The following MAN1A2 variants were observed in gnomAD, a reference collection of about 807,000 sequenced individuals.
MAN1A2 encodes the protein mannosyl-oligosaccharide 1,2-alpha-mannosidase IB.
In MAN1A2, 26 loss-of-function variants were observed where a neutral mutation model predicts 75.7. The observed-to-expected ratio is 0.34, with a 90% CI of 0.25 to 0.48. The LOEUF (loss-of-function observed/expected upper bound fraction) is 0.48. Ranked by LOEUF, MAN1A2 falls within the 20% of genes least tolerant of loss-of-function variation. The pLI is 0.99. For synonymous variants in MAN1A2, 247 were observed against 264.6 expected (o/e 0.93, Z 0.65); for missense variants, 562 against 775.5 (o/e 0.72, Z 3.27).
intron 1 of MAN1A2, among the ~76,000 whole-genome samples, chr1:117,379,743 T>C (rs376563235): frequency 2.0e-5 from 3 of 152,296 alleles, no homozygotes; most frequent in Non-Finnish European, 4.4e-5. Flanking sequence ...TAAGACCTTT[T>C]TTGTCTGGGT....
intron 3 of MAN1A2, among the ~76,000 whole-genome samples, chr1:117,408,492 T>C (rs1647691929): frequency 6.6e-6 from 1 of 152,124 alleles, no homozygotes; most frequent in Non-Finnish European, 1.5e-5. Context: ...TGTGTGTATT[T>C]ATATGTAAAT....
intron 1 of MAN1A2, among the ~76,000 whole-genome samples, chr1:117,389,339 A>T (rs903906248): frequency 1.3e-5 from 2 of 152,180 alleles, no homozygotes; most frequent in African/African-American, 2.4e-5. Flanking sequence ...TGATGGCTTC[A>T]GGGTGAAACT....
intron 1 of MAN1A2, among the ~76,000 whole-genome samples, chr1:117,377,085 T>A (rs1167243312): frequency 6.6e-6 from 1 of 152,192 alleles, no homozygotes; most frequent in African/African-American, 2.4e-5. Flanking sequence ...TGAACATATT[T>A]ACATATGGCT....
In MAN1A2 at chr1:117,429,623, C is replaced by T. The variant is rs867663539; in HGVS notation, c.855+8974C>T. On this transcript the variant is annotated intron_variant, in intron 5 of 12. Coordinates refer to ENST00000356554, the MANE Select transcript of MAN1A2 (RefSeq NM_006699.5). Reference sequence around the variant, plus strand: ...CTCCCGGATGGGGCGGCTGGCCGGGCAGAGGGGCTCCTCACTTCCCAGTAG... The same window carrying T: ...CTCCCGGATGGGGCGGCTGGCCGGGTAGAGGGGCTCCTCACTTCCCAGTAG... Among the ~76,000 whole-genome samples the T allele has an allele frequency of 3.2e-3, 352 of 109,554 alleles. 1 individual carries two copies. Among genetic ancestry groups the T allele is most frequent in the African/African-American group, 0.012 (328 of 27,152 alleles). 71.9% of individuals were successfully genotyped at this position (109,554 alleles called of 152,430 possible).
chr1:117,395,786 A>C (rs549586288), intron 1 of MAN1A2, among the ~76,000 whole-genome samples: 1 of 152,218 alleles, frequency 6.6e-6, no homozygotes, highest in African/African-American at 2.4e-5. Flanking sequence ...ACAGTTCTTC[A>C]CATGACCACT....
chr1:117,435,832 C>A (rs1383808809), intron 5 of MAN1A2, among the ~76,000 whole-genome samples: 2 of 152,202 alleles, frequency 1.3e-5, no homozygotes, highest in South Asian at 4.2e-4. Flanking sequence ...CCGAGGCGGG[C>A]GGATCACCTG....
chr1:117,390,113 A>G (rs1397678088), intron 1 of MAN1A2, among the ~76,000 whole-genome samples: 1 of 152,134 alleles, frequency 6.6e-6, no homozygotes, highest in Non-Finnish European at 1.5e-5. Flanking sequence ...TTTATTTATT[A>G]TATTTGTCTG....
intron 7 of MAN1A2, among the ~76,000 whole-genome samples, chr1:117,462,744 A>T (rs1475781206): frequency 6.6e-6 from 1 of 152,138 alleles, no homozygotes; most frequent in Non-Finnish European, 1.5e-5. Context: ...AGCTGGTGTT[A>T]TGTGCCGCAG....
intron 8 of MAN1A2, among the ~76,000 whole-genome samples, chr1:117,487,602 G>A (rs1650752919): frequency 6.6e-6 from 1 of 152,048 alleles, no homozygotes; most frequent in South Asian, 2.1e-4. Context: ...CACTGAATGA[G>A]TCAAGACATT....
chr1:117,413,086 T>G (rs1204765211), intron 3 of MAN1A2, among the ~76,000 whole-genome samples: 1 of 151,798 alleles, frequency 6.6e-6, no homozygotes, highest in Non-Finnish European at 1.5e-5. Context: ...ATGCAAGAGA[T>G]AGAGATATAT....
chr1:117,447,146 T>G (rs1649260093), intron 6 of MAN1A2, among the ~76,000 whole-genome samples: 1 of 152,148 alleles, frequency 6.6e-6, no homozygotes, highest in African/African-American at 2.4e-5. Context: ...TGTATTGTTT[T>G]AACTATAGTT....
intron 6 of MAN1A2, among the ~76,000 whole-genome samples, chr1:117,446,752 G>A (rs1373994820): frequency 1.3e-5 from 2 of 151,544 alleles, no homozygotes; most frequent in Non-Finnish European, 2.9e-5. Context: ...GCAGTTGTTG[G>A]GTATAACATT....
chr1:117,435,713 T>C (rs567885447), intron 5 of MAN1A2, among the ~76,000 whole-genome samples: 1 of 152,350 alleles, frequency 6.6e-6, no homozygotes, highest in East Asian at 1.9e-4. Flanking sequence ...TTAAACTTTT[T>C]TATTTTTTCT....
intron 3 of MAN1A2, among the ~76,000 whole-genome samples, chr1:117,405,932 C>T (rs1040207422): frequency 6.6e-6 from 1 of 151,938 alleles, no homozygotes; most frequent in African/African-American, 2.4e-5. Context: ...GAAAAGTAGG[C>T]ACCTACTTGT....
rs750088988 is a variant in MAN1A2 at position 117,512,111 on chromosome 1, G to C, written c.1793+9141G>C. On this transcript the variant is annotated intron_variant, in intron 12 of 12. Coordinates refer to ENST00000356554, the MANE Select transcript of MAN1A2 (RefSeq NM_006699.5). ...ATTTCCTGGTTGGGGCTTAGAGCTT[G>C]ATCTCAGAATTCACTTAGTTTTAGG... Among the ~76,000 whole-genome samples the C allele has an allele frequency of 1.2e-4, 19 of 152,104 alleles. 1 individual carries two copies. The highest frequency in any genetic ancestry group is 2.1e-4 in the Non-Finnish European group (14 of 68,006).
At chr1:117,415,095 C>T (rs1647946376) in intron 4 of MAN1A2, among the ~76,000 whole-genome samples, 1 of 151,974 alleles carries the variant, frequency 6.6e-6, no homozygotes, top group African/African-American at 2.4e-5. Flanking sequence ...GGCCTACACT[C>T]ATTCTTCTGG....
chr1:117,438,976 T>C (rs1461374454), intron 5 of MAN1A2, among the ~76,000 whole-genome samples: 1 of 152,204 alleles, frequency 6.6e-6, no homozygotes, highest in Non-Finnish European at 1.5e-5. Flanking sequence ...GAGTTTAAAT[T>C]TCAAATAGGA....
intron 3 of MAN1A2, among the ~76,000 whole-genome samples, chr1:117,412,693 C>A (rs1647863483): frequency 6.6e-6 from 1 of 151,814 alleles, no homozygotes; most frequent in African/African-American, 2.4e-5. Context: ...TTTGCTGCTT[C>A]TTTGACCCAA....
intron 1 of MAN1A2, among the ~76,000 whole-genome samples, chr1:117,381,610 A>C (rs1200102718): frequency 6.6e-6 from 1 of 152,116 alleles, no homozygotes; most frequent in Non-Finnish European, 1.5e-5. Context: ...GTTGGTTCCA[A>C]GTCTTTGCTA....
Sources: gnomAD v4.1 joint callset for allele counts (sites outside exome capture counted in the v4.1 genomes callset) on GRCh38, gnomAD v4.1.1 for gene constraint, MANE v1.5 for transcripts, NCBI Gene and HGNC (gene_info 2026-07-23, HGNC 2026-07-21) for gene names.